Variants in PAK1 observed in about 807,000 individuals in gnomAD.
PAK1 encodes the protein serine/threonine-protein kinase PAK 1.
PAK1 carries 29 observed loss-of-function variants against 67.4 expected under a neutral mutation model. The observed-to-expected ratio is 0.43, with a 90% confidence interval of 0.32 to 0.59. The LOEUF (loss-of-function observed/expected upper bound fraction) is 0.59, where lower values mean the gene tolerates loss of function less well. Among genes scored for constraint, PAK1 ranks in the 20% least tolerant of loss-of-function variants. PAK1 has a pLI of 0.07. For synonymous variants in PAK1, 223 were observed against 237.4 expected (o/e 0.94, Z 0.56); for missense variants, 337 against 670.7 (o/e 0.50, Z 5.50).
intron 1 of PAK1, among the ~76,000 whole-genome samples, chr11:77,414,376 A>G (rs1216951140): frequency 2.0e-5 from 3 of 152,256 alleles, no homozygotes; most frequent in Non-Finnish European, 4.4e-5. Context: ...AATAACTTGG[A>G]AAGCTTTAAA....
intron 1 of PAK1, among the ~76,000 whole-genome samples, chr11:77,449,691 TAAA>T (rs35907304): frequency 4.4e-5 from 5 of 113,926 alleles, no homozygotes; most frequent in Non-Finnish European, 5.2e-5. Context: ...ATCCTATAGG[TAAA>T]AAAAAAAAAA....
At chr11:77,418,943 C>G (rs1414886493) in intron 1 of PAK1, among the ~76,000 whole-genome samples, 1 of 152,182 alleles carries the variant, frequency 6.6e-6, no homozygotes, top group African/African-American at 2.4e-5. Flanking sequence ...CATCTATGTA[C>G]AGTATTAGGC....
At chr11:77,386,105 T>C (rs2137258761) in intron 2 of PAK1, among the ~76,000 whole-genome samples, 1 of 152,292 alleles carries the variant, frequency 6.6e-6, no homozygotes, top group East Asian at 1.9e-4. Flanking sequence ...ACTTTAACCC[T>C]ATCTTTGACC....
the PAK1 span, among the ~76,000 whole-genome samples, chr11:77,498,411 C>CTGT: frequency 6.6e-6 from 1 of 152,146 alleles, no homozygotes; most frequent in Non-Finnish European, 1.5e-5. Context: ...GTGATGTCTG[C>CTGT]TGTCTTTTTG....
At chr11:77,461,466 G>T (rs1218155308) in intron 1 of PAK1, among the ~76,000 whole-genome samples, 1 of 152,174 alleles carries the variant, frequency 6.6e-6, no homozygotes, top group Non-Finnish European at 1.5e-5. Context: ...CTCTAAGAAA[G>T]AATTATTCTA....
intron 4 of PAK1, among the ~76,000 whole-genome samples, chr11:77,377,608 T>C (rs538141215): frequency 1.6e-4 from 24 of 152,216 alleles, no homozygotes; most frequent in Non-Finnish European, 3.2e-4. Context: ...GAGTGGACTT[T>C]ATCTTTGTTC....
In PAK1 at chr11:77,460,065, AAGG is replaced by A. The variant is rs1258510576; in HGVS notation, c.-22+13484_-22+13486del. On this transcript the variant is annotated intron_variant, in intron 1 of 14. Transcript: ENST00000356341. Reference sequence around the variant, plus strand: ...AATGAGTATTTGTTTACTGAATGAGAAGGAGAAGCCAGAATTGCGAACAGCAAA... The same window carrying A: ...AATGAGTATTTGTTTACTGAATGAGAAGAAGCCAGAATTGCGAACAGCAAA... Among the ~76,000 whole-genome samples, 5 of 151,882 alleles carry A rather than the reference AAGG, an allele frequency of 3.3e-5. No individual in the cohort carries two copies. The East Asian group carries it at 7.7e-4, about 23-fold the overall frequency.
intron 1 of PAK1, among the ~76,000 whole-genome samples, chr11:77,465,836 G>A (rs1957571706): frequency 6.6e-6 from 1 of 152,148 alleles, no homozygotes; most frequent in Admixed American, 6.5e-5. Context: ...TGTGGTCCCA[G>A]CTACTCGGAG....
intron 1 of PAK1, among the ~76,000 whole-genome samples, chr11:77,423,432 CA>C (rs1955386802): frequency 6.6e-6 from 1 of 150,848 alleles, no homozygotes; most frequent in African/African-American, 2.4e-5. Flanking sequence ...CACACACACA[CA>C]CACACACACC....
intron 1 of PAK1, among the ~76,000 whole-genome samples, chr11:77,428,958 C>T (rs1021301414): frequency 1.3e-5 from 2 of 149,036 alleles, no homozygotes; most frequent in African/African-American, 5.0e-5. Flanking sequence ...ACCTCATTTC[C>T]TCATTATGTC....
At chr11:77,526,978 T>G in the PAK1 span, among the ~76,000 whole-genome samples, 1 of 151,830 alleles carries the variant, frequency 6.6e-6, no homozygotes, top group African/African-American at 2.4e-5. Flanking sequence ...AGAGTGAGAC[T>G]GGGGAGTGTG....
the PAK1 span, among the ~76,000 whole-genome samples, chr11:77,489,583 C>G: frequency 6.6e-6 from 1 of 152,138 alleles, no homozygotes; most frequent in Non-Finnish European, 1.5e-5. Context: ...GGAGTGCCTG[C>G]GATTGCAGGC....
intron 7 of PAK1, 74 bp downstream of exon 7, chr11:77,355,594 C>G (rs1168195448): frequency 1.6e-6 from 2 of 1,280,160 alleles, no homozygotes; most frequent in African/African-American, 1.5e-5. Context: ...ATGGACCAAG[C>G]CTACGACCAG....
intron 1 of PAK1, among the ~76,000 whole-genome samples, chr11:77,463,279 G>C (rs535463614): frequency 6.6e-6 from 1 of 152,038 alleles, no homozygotes; most frequent in East Asian, 1.9e-4. Context: ...ACAGACATGC[G>C]ATAAAGAAAA....
chr11:77,473,096 G>A (rs944798670), intron 1 of PAK1, among the ~76,000 whole-genome samples: 12 of 152,210 alleles, frequency 7.9e-5, no homozygotes, highest in African/African-American at 2.9e-4. Context: ...GAACCCTAAA[G>A]GTGACTGTCC....
At chr11:77,406,176 T>C (rs1953531614) in intron 1 of PAK1, among the ~76,000 whole-genome samples, 1 of 152,322 alleles carries the variant, frequency 6.6e-6, no homozygotes, top group African/African-American at 2.4e-5. Context: ...TCCATTCTCA[T>C]GGCTTTACAT....
the PAK1 span, among the ~76,000 whole-genome samples, chr11:77,502,590 C>G: frequency 2.0e-5 from 3 of 152,306 alleles, no homozygotes; most frequent in Middle Eastern, 3.4e-3. Context: ...TCTTCTCTAA[C>G]CCCACATAGC....
the PAK1 span, among the ~76,000 whole-genome samples, chr11:77,499,338 C>A: frequency 3.3e-5 from 5 of 152,200 alleles, no homozygotes; most frequent in Admixed American, 6.5e-5. Context: ...CCTGGGACTA[C>A]AGGTGCATGC....
At chr11:77,379,173 C>G in intron 4 of PAK1, 68 bp downstream of exon 4, 1 of 1,281,878 alleles carries the variant, frequency 7.8e-7, no homozygotes, top group South Asian at 1.5e-5. Flanking sequence ...GACTAATAGG[C>G]ATGTGAGCTT....
Sources: gnomAD v4.1 joint callset for allele counts (sites outside exome capture counted in the v4.1 genomes callset) on GRCh38, gnomAD v4.1.1 for gene constraint, MANE v1.5 for transcripts, NCBI Gene and HGNC (gene_info 2026-07-23, HGNC 2026-07-21) for gene names.